Variants in GPBP1L1 observed in about 807,000 individuals in gnomAD.
GPBP1L1 encodes the protein vasculin-like protein 1.
Under a neutral mutation model 52.5 loss-of-function variants are expected in GPBP1L1, and 23 were observed. The observed-to-expected ratio is 0.44, with a 90% CI of 0.32 to 0.62. The LOEUF (loss-of-function observed/expected upper bound fraction) is 0.62, where lower values mean the gene tolerates loss of function less well. Ranked by LOEUF, GPBP1L1 falls within the 20% of genes least tolerant of loss-of-function variation. The pLI, the probability that GPBP1L1 is intolerant of heterozygous loss-of-function variation, is 0.06. For missense variants in GPBP1L1, 596 were observed against 579.3 expected (o/e 1.03, Z -0.30); for synonymous variants, 243 against 203.1 (o/e 1.20, Z -1.67).
intron 2 of GPBP1L1, among the ~76,000 whole-genome samples, chr1:45,678,113 GAGAGAGAAAGTAGATTAGTGGTCGT>G (rs1645168758): frequency 6.6e-6 from 1 of 152,146 alleles, no homozygotes; most frequent in Non-Finnish European, 1.5e-5. Flanking sequence ...CAAATCCAGA[GAGAGAGAAAGTAGATTAGTGGTCGT>G]CTAGAGCTAG....
intron 2 of GPBP1L1, among the ~76,000 whole-genome samples, chr1:45,669,308 G>C (rs1645046956): frequency 6.6e-6 from 1 of 152,248 alleles, no homozygotes; most frequent in South Asian, 2.1e-4. Flanking sequence ...TGAGACAATA[G>C]GCGCATGCCA....
rs1252662112 is a variant in GPBP1L1, at chr1:45,627,543, CCCT to C, written c.*710_*712del. 14 of 152,366 alleles carry C rather than the reference CCCT, an allele frequency of 9.2e-5. No individual in the cohort carries two copies. Among genetic ancestry groups the C allele is most frequent in the South Asian group, 2.1e-4 (1 of 4,814 alleles). The allele number at this position is 152,366 out of a possible 1,614,324, so 9.4% of individuals were successfully genotyped here. A position where few individuals can be genotyped will look rare whatever the true frequency, so the allele number is the denominator to read the frequency against. On this transcript the variant is annotated 3_prime_UTR_variant, in exon 13 of 13. Transcript: ENST00000355105. ...TTAGTTATTTTATGCAGTAGTTTCC[CCCT>C]CGAGACTTGTGATAACCACATCTTT...
intron 2 of GPBP1L1, among the ~76,000 whole-genome samples, chr1:45,664,395 ACT>A (rs950697361): frequency 6.9e-6 from 1 of 145,120 alleles, no homozygotes; most frequent in Non-Finnish European, 1.5e-5. Flanking sequence ...TGAAACCCCG[ACT>A]CTACTAAAAA....
upstream of GPBP1L1, chr1:45,687,360 A>G (rs1399982762): frequency 6.6e-6 from 1 of 152,294 alleles, no homozygotes; most frequent in Non-Finnish European, 1.5e-5. Context: ...AGCGCTTACT[A>G]TTAAGGAAGA....
chr1:45,673,624 G>A (rs1000197700), intron 2 of GPBP1L1, among the ~76,000 whole-genome samples: 1 of 152,214 alleles, frequency 6.6e-6, no homozygotes, highest in African/African-American at 2.4e-5. Context: ...CACTTTGGGA[G>A]GCCAATGCAG....
chr1:45,630,716 G>A (rs1159577495), intron 10 of GPBP1L1, 110 bp from the exon 11 acceptor site: 1 of 1,224,400 alleles, frequency 8.2e-7, no homozygotes, highest in Non-Finnish European at 1.1e-6. Context: ...CCAAAAGACA[G>A]CCTCAGCCCA....
intron 4 of GPBP1L1, 65 bp downstream of exon 4, chr1:45,658,963 A>C (rs1451733882): frequency 5.3e-6 from 6 of 1,134,834 alleles, no homozygotes; most frequent in Non-Finnish European, 8.0e-6. Context: ...AAACCAAAAA[A>C]CAACCAAAAC....
intron 2 of GPBP1L1, among the ~76,000 whole-genome samples, chr1:45,664,838 C>T (rs1007289733): frequency 7.2e-5 from 11 of 152,080 alleles, no homozygotes; most frequent in African/African-American, 2.6e-4. Flanking sequence ...ACCACCACAC[C>T]CGGTTAATTT....
Position 45,664,840 on chromosome 1 carries a change from G to A in GPBP1L1, c.-1097-3615C>T, listed in dbSNP as rs549014019. Reference sequence around the variant, plus strand: ...ATTGCAGGCACCCACCACCACACCCGGTTAATTTTTGTATTTTTAGCAGAG... The same window carrying A: ...ATTGCAGGCACCCACCACCACACCCAGTTAATTTTTGTATTTTTAGCAGAG... On this transcript the variant is annotated intron_variant, in intron 2 of 12. Coordinates refer to ENST00000355105, the MANE Select transcript of GPBP1L1 (RefSeq NM_021639.5). Among the ~76,000 whole-genome samples, 5 of 151,908 alleles carry A rather than the reference G, an allele frequency of 3.3e-5. No individual in the cohort carries two copies. In the South Asian group the frequency reaches 8.4e-4, roughly 25 times the overall value.
At chr1:45,635,184 T>C (rs1226709089) in intron 8 of GPBP1L1, 3 of 152,218 alleles carry the variant, frequency 2.0e-5, no homozygotes, top group East Asian at 1.9e-4. Context: ...TGACTTTTAA[T>C]AGAGGATGAC....
chr1:45,645,848 T>A (rs992778407), intron 6 of GPBP1L1: 2 of 504,560 alleles, frequency 4.0e-6, no homozygotes, highest in Non-Finnish European at 3.8e-6. Flanking sequence ...TTCCCTCCTG[T>A]GTGTTTTCGT....
At chr1:45,659,334 T>C (rs565570852) in intron 3 of GPBP1L1, among the ~76,000 whole-genome samples, 192 bp from the exon 4 acceptor site, 1 of 152,316 alleles carries the variant, frequency 6.6e-6, no homozygotes, top group South Asian at 2.1e-4. Flanking sequence ...ACAAAAGTTC[T>C]AAACAAAAGA....
At chr1:45,666,946 A>G (rs954814417) in intron 2 of GPBP1L1, among the ~76,000 whole-genome samples, 1 of 152,244 alleles carries the variant, frequency 6.6e-6, no homozygotes, top group African/African-American at 2.4e-5. Context: ...GAAGGCAGAC[A>G]CAAAAACTGT....
intron 6 of GPBP1L1, among the ~76,000 whole-genome samples, chr1:45,649,734 G>A (rs191649510): frequency 5.3e-4 from 80 of 152,088 alleles, no homozygotes; most frequent in Non-Finnish European, 8.2e-4. Flanking sequence ...TCAATTCTAT[G>A]AGTTTTTAAA....
chr1:45,653,201 T>C (rs1644839669), intron 6 of GPBP1L1, among the ~76,000 whole-genome samples: 1 of 152,130 alleles, frequency 6.6e-6, no homozygotes, highest in South Asian at 2.1e-4. Flanking sequence ...TACTAACTGA[T>C]GAAATGGCTA....
chr1:45,630,526 C>A lies in GPBP1L1; in HGVS notation c.1125G>T (p.Val375=), dbSNP rs914062055. The stretch of plus-strand genomic sequence containing the variant: ...AGTGTGAGAGAACCTCCCCTTCTTC[C>A]ACTACAGGGAGGGCAAGACCATTTT... ...CHQNGLALPV[V]EEGEVLSHSL... The change falls in exon 11 of 13, where the codon GTG becomes GTT. Residue 375 remains valine (V), a synonymous_variant. Transcript: ENST00000355105. 3.7e-6 allele frequency: 6 copies of A among 1,613,810 alleles called. No individual in the cohort carries two copies. Among genetic ancestry groups the A allele is most frequent in the African/African-American group, 1.3e-5 (1 of 74,926 alleles).
intron 7 of GPBP1L1, among the ~76,000 whole-genome samples, chr1:45,641,369 T>C (rs989016046): frequency 1.3e-5 from 2 of 151,512 alleles, no homozygotes; most frequent in African/African-American, 4.9e-5. Flanking sequence ...CACTGCACTC[T>C]AGCCTGGGCG....
At chr1:45,669,282 T>C (rs1645046712) in intron 2 of GPBP1L1, among the ~76,000 whole-genome samples, 1 of 152,222 alleles carries the variant, frequency 6.6e-6, no homozygotes, top group African/African-American at 2.4e-5. Context: ...CCTCTTGCTT[T>C]AGCCTCCCAA....
intron 6 of GPBP1L1, among the ~76,000 whole-genome samples, chr1:45,647,263 C>T (rs1351986354): frequency 1.3e-5 from 2 of 151,532 alleles, no homozygotes; most frequent in African/African-American, 4.9e-5. Context: ...CTCTGCCTCC[C>T]GGGTTTACGT....
Sources: gnomAD v4.1 joint callset for allele counts (sites outside exome capture counted in the v4.1 genomes callset) on GRCh38, gnomAD v4.1.1 for gene constraint, MANE v1.5 for transcripts, NCBI Gene and HGNC (gene_info 2026-07-23, HGNC 2026-07-21) for gene names.